Variants in PRDM12 observed in about 807,000 individuals in gnomAD.
The protein encoded by PRDM12 is PR domain zinc finger protein 12.
In PRDM12, 17 loss-of-function variants were observed where a neutral mutation model predicts 29.6. The observed-to-expected ratio is 0.57, with a 90% CI of 0.39 to 0.86. The LOEUF is 0.86. Ranked by LOEUF, PRDM12 falls within the 40% of genes least tolerant of loss-of-function variation. The pLI, the probability that PRDM12 is intolerant of heterozygous loss-of-function variation, is 0.00. For missense variants in PRDM12, 422 were observed against 510.8 expected (o/e 0.83, Z 1.68); for synonymous variants, 231 against 225.8 (o/e 1.02, Z -0.21).
chr9:130,679,535 G>A (rs1830875148), intron 4 of PRDM12, among the ~76,000 whole-genome samples: 1 of 152,042 alleles, frequency 6.6e-6, no homozygotes, highest in African/African-American at 2.4e-5. Context: ...GTTTTGTTAT[G>A]TTGGCCAAGC....
intron 1 of PRDM12, among the ~76,000 whole-genome samples, chr9:130,665,687 T>C (rs1830726484): frequency 6.6e-6 from 1 of 152,140 alleles, no homozygotes; most frequent in Non-Finnish European, 1.5e-5. Context: ...GCAATTTCTT[T>C]CGAATGGAGC....
In PRDM12 at chr9:130,668,456, G is replaced by A. The variant is rs2132591843; in HGVS notation, c.570+143G>A. The A allele has an allele frequency of 1.5e-6, 2 of 1,351,650 alleles. No individual in the cohort carries two copies. The highest frequency in any genetic ancestry group is 2.4e-5 in the East Asian group (1 of 41,286). 83.7% of individuals were successfully genotyped at this position (1,351,650 alleles called of 1,614,324 possible). A position where few individuals can be genotyped will look rare whatever the true frequency, so the allele number is the denominator to read the frequency against. On this transcript the variant is annotated intron_variant, in intron 3 of 4. Coordinates refer to ENST00000253008, the MANE Select transcript of PRDM12 (RefSeq NM_021619.3). This position sits in a 1 kb window ranked among gnomAD's most constrained non-coding sequence, Gnocchi z 4.0. ...TCGCTGGCTCTGCGCAGGCCATGGGGCTGTGGCAGACAGGTGGGTCTCCAG... is the reference window on the plus strand; with the variant it reads ...TCGCTGGCTCTGCGCAGGCCATGGGACTGTGGCAGACAGGTGGGTCTCCAG...
At chr9:130,680,343 A>G (rs1830882268) in intron 4 of PRDM12, among the ~76,000 whole-genome samples, 2 of 151,710 alleles carry the variant, frequency 1.3e-5, no homozygotes, top group African/African-American at 4.8e-5. Flanking sequence ...TTTCAAAAAA[A>G]TAAATAAAAT....
chr9:130,681,821 AC>A lies in PRDM12; in HGVS notation c.*157del. The A allele has an allele frequency of 1.4e-6, 1 of 690,346 alleles. No homozygotes were observed. Among genetic ancestry groups the A allele is most frequent in the Non-Finnish European group, 1.8e-6 (1 of 560,762 alleles). 42.8% of individuals were successfully genotyped at this position (690,346 alleles called of 1,614,324 possible). ...TGCGCCCCGGAGGCGGATCTCAGGC[AC>A]CCCCGCCTTGGCCCGTGTCGCAGAT... is the stretch of plus-strand genomic sequence containing the variant. On this transcript the variant is annotated 3_prime_UTR_variant, in exon 5 of 5. Coordinates refer to ENST00000253008, the MANE Select transcript of PRDM12 (RefSeq NM_021619.3). The surrounding 1 kb of genome is among the most constrained non-coding windows in gnomAD (Gnocchi z 8.1).
In PRDM12 at chr9:130,681,139, C is replaced by T. The variant is rs1830896203; in HGVS notation, c.683-109C>T. The T allele has an allele frequency of 1.7e-6, 2 of 1,186,912 alleles. No homozygotes were observed. The highest frequency in any genetic ancestry group is 2.2e-6 in the Non-Finnish European group (2 of 910,976). 73.5% of individuals were successfully genotyped at this position (1,186,912 alleles called of 1,614,324 possible). A position where few individuals can be genotyped will look rare whatever the true frequency, so the allele number is the denominator to read the frequency against. On this transcript the variant is annotated intron_variant, in intron 4 of 4. Coordinates refer to ENST00000253008, the MANE Select transcript of PRDM12 (RefSeq NM_021619.3). This position sits in a 1 kb window ranked among gnomAD's most constrained non-coding sequence, Gnocchi z 8.1. ...CACCCACCCTCAAGGACGGACCGGC[C>T]CCGGGCTGGGGGCGCTGAGGGCCCG... is the stretch of plus-strand genomic sequence containing the variant.
In PRDM12 at chr9:130,681,834, C is replaced by A; in HGVS notation, c.*165C>A. ...CGGATCTCAGGCACCCCCGCCTTGG[C>A]CCGTGTCGCAGATGAGGACACTGAG... is the stretch of plus-strand genomic sequence containing the variant. On this transcript the variant is annotated 3_prime_UTR_variant, in exon 5 of 5. Coordinates refer to ENST00000253008, the MANE Select transcript of PRDM12 (RefSeq NM_021619.3). The surrounding 1 kb of genome is among the most constrained non-coding windows in gnomAD (Gnocchi z 8.1). The A allele has an allele frequency of 1.6e-6, 1 of 617,762 alleles. No individual in the cohort carries two copies. The highest frequency in any genetic ancestry group is 2.0e-6 in the Non-Finnish European group (1 of 494,250). The allele number at this position is 617,762 out of a possible 1,614,324, so 38.3% of individuals were successfully genotyped here.
In PRDM12 at chr9:130,681,780, C is replaced by T. The variant is rs1210937452; in HGVS notation, c.*111C>T. ...CCCCCGGCCCGGCGCCGCCGCGGAG[C>T]CCCGCGCGCTGGGGTTGCGCCCCGG... On this transcript the variant is annotated 3_prime_UTR_variant, in exon 5 of 5. Transcript: ENST00000253008. The surrounding 1 kb of genome is among the most constrained non-coding windows in gnomAD (Gnocchi z 8.1). 3.6e-5 allele frequency: 33 copies of T among 927,802 alleles called. No individual in the cohort carries two copies. Among genetic ancestry groups the T allele is most frequent in the Non-Finnish European group, 4.2e-5 (33 of 777,688 alleles). The allele number at this position is 927,802 out of a possible 1,614,324, so 57.5% of individuals were successfully genotyped here. A position where few individuals can be genotyped will look rare whatever the true frequency, so the allele number is the denominator to read the frequency against.
At chr9:130,666,854 G>C in intron 2 of PRDM12, 56 bp downstream of exon 2, 3 of 1,535,036 alleles carry the variant, frequency 2.0e-6, no homozygotes, top group Non-Finnish European at 2.6e-6. Flanking sequence ...GCTGGTCGCG[G>C]GTAGGACTCG....
intron 3 of PRDM12, among the ~76,000 whole-genome samples, chr9:130,676,272 C>T (rs1034892528): frequency 2.7e-4 from 41 of 152,178 alleles, no homozygotes; most frequent in African/African-American, 9.2e-4. Flanking sequence ...GGGCGGATCA[C>T]GAGATCAGGA....
intron 4 of PRDM12, among the ~76,000 whole-genome samples, chr9:130,680,633 AAAT>A (rs1421728051): frequency 2.0e-3 from 175 of 86,602 alleles, no homozygotes; most frequent in Non-Finnish European, 2.6e-3. Context: ...TAAAAAAAAA[AAAT>A]ATATATATAT....
At chr9:130,669,117 G>T (rs1220705590) in intron 3 of PRDM12, among the ~76,000 whole-genome samples, 2 of 152,086 alleles carry the variant, frequency 1.3e-5, no homozygotes, top group Non-Finnish European at 2.9e-5. Context: ...CACAAGGTCA[G>T]GAGATCGAGA....
rs531743191 is a variant in PRDM12 at position 130,678,982 on chromosome 9, A to G, written c.682+342A>G. On this transcript the variant is annotated intron_variant, in intron 4 of 4. Coordinates refer to ENST00000253008, the MANE Select transcript of PRDM12 (RefSeq NM_021619.3). ...GATTGAGTTCTAGTTCTGCTGTACA[A>G]TCTTGGAAATGTCCTGTGCCTCAGT... Among the ~76,000 whole-genome samples, 8 of 152,290 alleles carry G rather than the reference A, an allele frequency of 5.3e-5. No individual in the cohort carries two copies. The East Asian group carries it at 1.4e-3, about 26-fold the overall frequency.
intron 4 of PRDM12, 88 bp downstream of exon 4, chr9:130,678,728 G>A (rs917625469): frequency 3.6e-5 from 40 of 1,106,090 alleles, no homozygotes; most frequent in Middle Eastern, 4.1e-4. Flanking sequence ...GAGGCAGAGA[G>A]GCTCTTGGCC....
intron 1 of PRDM12, among the ~76,000 whole-genome samples, chr9:130,665,223 G>A (rs1443803047): frequency 6.6e-6 from 1 of 151,674 alleles, no homozygotes; most frequent in Non-Finnish European, 1.5e-5. Context: ...AAAAAGAAGG[G>A]GTTTTAAATT....
At chr9:130,669,154 C>T (rs775837089) in intron 3 of PRDM12, among the ~76,000 whole-genome samples, 48 of 151,624 alleles carry the variant, frequency 3.2e-4, no homozygotes, top group African/African-American at 6.3e-4. Context: ...GGTGAAACCC[C>T]GTCTCTACTA....
intron 3 of PRDM12, among the ~76,000 whole-genome samples, chr9:130,669,155 G>A (rs537201257): frequency 3.0e-4 from 45 of 151,774 alleles, no homozygotes; most frequent in African/African-American, 9.4e-4. Flanking sequence ...GTGAAACCCC[G>A]TCTCTACTAA....
chr9:130,669,845 G>A (rs977336007), intron 3 of PRDM12, among the ~76,000 whole-genome samples: 9 of 150,724 alleles, frequency 6.0e-5, no homozygotes, highest in Admixed American at 2.6e-4. Flanking sequence ...AAAGGTAACC[G>A]GTAAATATCA....
At chr9:130,670,075 AT>A (rs1216095894) in intron 3 of PRDM12, among the ~76,000 whole-genome samples, 1 of 152,048 alleles carries the variant, frequency 6.6e-6, no homozygotes, top group Non-Finnish European at 1.5e-5. Context: ...TTGGCGGGAA[AT>A]CTGGCCCAGG....
intron 2 of PRDM12, among the ~76,000 whole-genome samples, chr9:130,667,366 G>C (rs1445288540): frequency 1.3e-5 from 2 of 152,194 alleles, no homozygotes; most frequent in Admixed American, 6.5e-5. Context: ...TTTTCACGGA[G>C]GCTCCAAGAG....
Sources: gnomAD v4.1 joint callset for allele counts (sites outside exome capture counted in the v4.1 genomes callset) on GRCh38, gnomAD v4.1.1 for gene constraint, Gnocchi (gnomAD v3.1) non-coding constraint, MANE v1.5 for transcripts, NCBI Gene and HGNC (gene_info 2026-07-23, HGNC 2026-07-21) for gene names.